The following NFIA variants were observed in gnomAD, a reference collection of about 807,000 sequenced individuals.
NFIA encodes the protein nuclear factor 1 A-type.
NFIA carries 8 observed loss-of-function variants against 62.8 expected under a neutral mutation model. That is an observed-to-expected ratio of 0.13 (90% CI 0.07 to 0.23). The LOEUF (loss-of-function observed/expected upper bound fraction) is 0.23, where lower values mean the gene tolerates loss of function less well. Ranked by LOEUF, NFIA falls within the 10% of genes least tolerant of loss-of-function variation. The pLI is 1.00. For missense variants in NFIA, 410 were observed against 642.1 expected (o/e 0.64, Z 3.91); for synonymous variants, 235 against 238.1 (o/e 0.99, Z 0.12).
At chr1:61,198,817 A>G (rs1652213140) in intron 2 of NFIA, among the ~76,000 whole-genome samples, 1 of 152,280 alleles carries the variant, frequency 6.6e-6, no homozygotes, top group Non-Finnish European at 1.5e-5. Context: ...GTGTCGCCAT[A>G]TGTCACCAGC....
intron 3 of NFIA, among the ~76,000 whole-genome samples, chr1:61,304,263 G>A (rs143721065): frequency 0.017 from 2,635 of 151,720 alleles, 26 homozygotes; most frequent in Middle Eastern, 0.024. Flanking sequence ...GCAACAGAGC[G>A]AGACTCCATC....
intron 3 of NFIA, among the ~76,000 whole-genome samples, chr1:61,294,698 A>T (rs1659093569): frequency 6.6e-6 from 1 of 152,212 alleles, no homozygotes; most frequent in Non-Finnish European, 1.5e-5. Context: ...CACAGTGCCT[A>T]TCCCATAGTA....
intron 3 of NFIA, among the ~76,000 whole-genome samples, chr1:61,328,857 G>C (rs1661114907): frequency 6.6e-6 from 1 of 150,930 alleles, no homozygotes; most frequent in Non-Finnish European, 1.5e-5. Context: ...TGAATAGCTG[G>C]GATTACAGGT....
chr1:61,322,126 A>C (rs1293998606), intron 3 of NFIA, among the ~76,000 whole-genome samples: 2 of 152,202 alleles, frequency 1.3e-5, no homozygotes, highest in Non-Finnish European at 2.9e-5. Context: ...CAAGTCACTT[A>C]ACTTCTCATG....
intron 2 of NFIA, among the ~76,000 whole-genome samples, chr1:61,110,953 A>G (rs1258042945): frequency 6.6e-6 from 1 of 152,164 alleles, no homozygotes; most frequent in Non-Finnish European, 1.5e-5. Flanking sequence ...GTTGAAACTT[A>G]CAAGTTTGCA....
At position 61,457,633 on chromosome 1, in the gene NFIA, TA is replaced by T. The variant is rs903704349; in HGVS notation, c.*2314del. 3.3e-5 allele frequency: 5 copies of T among 152,308 alleles called. No individual in the cohort carries two copies. Among genetic ancestry groups the T allele is most frequent in the Admixed American group, 6.5e-5 (1 of 15,300 alleles). 9.4% of individuals were successfully genotyped at this position (152,308 alleles called of 1,614,324 possible). On this transcript the variant is annotated 3_prime_UTR_variant, in exon 11 of 11. Coordinates refer to ENST00000403491, the MANE Select transcript of NFIA (RefSeq NM_001134673.4). The surrounding 1 kb of genome is among the most constrained non-coding windows in gnomAD (Gnocchi z 4.2). ...GCTTAGCAATTATTAATTTTTCTTT[TA>T]TTTTTTTTTATTTGACCAAAGTCGG...
intron 3 of NFIA, among the ~76,000 whole-genome samples, chr1:61,331,653 C>T (rs1280786193): frequency 6.6e-6 from 1 of 152,060 alleles, no homozygotes; most frequent in East Asian, 1.9e-4. Context: ...CTAGACTCTA[C>T]CTGTGTGAGA....
At chr1:61,344,812 C>T (rs1012148048) in intron 4 of NFIA, among the ~76,000 whole-genome samples, 4 of 152,240 alleles carry the variant, frequency 2.6e-5, no homozygotes, top group African/African-American at 7.2e-5. Flanking sequence ...ACACTGTAAT[C>T]TCTCAGGCAG....
chr1:61,380,402 C>T (rs985250532), intron 6 of NFIA, among the ~76,000 whole-genome samples: 4 of 152,100 alleles, frequency 2.6e-5, no homozygotes, highest in African/African-American at 9.7e-5. Flanking sequence ...GCCAATCAGT[C>T]ATTAATCCAT....
At chr1:61,187,142 A>G (rs141290261) in intron 2 of NFIA, among the ~76,000 whole-genome samples, 2 of 152,364 alleles carry the variant, frequency 1.3e-5, no homozygotes, top group African/African-American at 4.8e-5. Flanking sequence ...TAATTCAGGT[A>G]AAGTGCTTAG....
At chr1:61,391,044 ATTTGTTTG>A (rs112725651) in intron 7 of NFIA, among the ~76,000 whole-genome samples, 1,796 of 150,982 alleles carry the variant, frequency 0.012, 21 homozygotes, top group African/African-American at 0.04. Context: ...TTGTTTGTTT[ATTTGTTTG>A]TTTGTTTGTT....
chr1:61,289,126 C>G (rs995368428), intron 3 of NFIA, among the ~76,000 whole-genome samples: 26 of 152,124 alleles, frequency 1.7e-4, no homozygotes, highest in Non-Finnish European at 4.4e-5. Flanking sequence ...CTTAAGTCCC[C>G]TGTTGGAAGA....
intron 9 of NFIA, among the ~76,000 whole-genome samples, chr1:61,407,954 G>A (rs1665928174): frequency 6.6e-6 from 1 of 152,130 alleles, no homozygotes; most frequent in Non-Finnish European, 1.5e-5. Flanking sequence ...AGTGAATACA[G>A]GAGGGAAAGA....
chr1:61,241,882 A>G (rs1181906469), intron 2 of NFIA, among the ~76,000 whole-genome samples: 4 of 152,194 alleles, frequency 2.6e-5, no homozygotes, highest in East Asian at 1.9e-4. Context: ...ACCTTATCTA[A>G]TATGCACAAA....
At chr1:61,123,107 A>C (rs1057156803) in intron 2 of NFIA, among the ~76,000 whole-genome samples, 1 of 152,212 alleles carries the variant, frequency 6.6e-6, no homozygotes, top group African/African-American at 2.4e-5. Context: ...TTATGGAATT[A>C]TCTTTGTATT....
At chr1:61,109,959 G>A (rs1414230203) in intron 2 of NFIA, among the ~76,000 whole-genome samples, 1 of 151,942 alleles carries the variant, frequency 6.6e-6, no homozygotes, top group African/African-American at 2.4e-5. Context: ...GGGGATGACT[G>A]TATTGTATCT....
At chr1:61,193,934 A>C (rs775487647) in intron 2 of NFIA, among the ~76,000 whole-genome samples, 22 of 152,188 alleles carry the variant, frequency 1.4e-4, no homozygotes, top group Admixed American at 2.6e-4. Flanking sequence ...GTCTACATAC[A>C]TCCAGAGTCA....
chr1:61,439,396 CAG>C (rs1302970102), intron 10 of NFIA: 1 of 151,968 alleles, frequency 6.6e-6, no homozygotes, highest in African/African-American at 2.4e-5. Context: ...GTTTACACAG[CAG>C]AGAGCACTTT....
intron 9 of NFIA, among the ~76,000 whole-genome samples, chr1:61,415,155 A>G (rs1040355181): frequency 2.6e-5 from 4 of 152,212 alleles, no homozygotes; most frequent in Non-Finnish European, 5.9e-5. Flanking sequence ...TTAGAGAAGC[A>G]AAAGGGGTTA....
Sources: gnomAD v4.1 joint callset for allele counts (sites outside exome capture counted in the v4.1 genomes callset) on GRCh38, gnomAD v4.1.1 for gene constraint, Gnocchi (gnomAD v3.1) non-coding constraint, MANE v1.5 for transcripts, NCBI Gene and HGNC (gene_info 2026-07-23, HGNC 2026-07-21) for gene names.